Variants in IQCH observed in about 807,000 individuals in gnomAD.
IQCH encodes the protein IQ domain-containing protein H.
IQCH carries 98 observed loss-of-function variants against 117.0 expected under a neutral mutation model. The observed-to-expected ratio is 0.84, with a 90% CI of 0.71 to 0.99. IQCH has a LOEUF of 0.99. Among genes scored for constraint, IQCH ranks in the 50% least tolerant of loss-of-function variants. The probability of loss-of-function intolerance (pLI) is 0.00; values close to 1 mark genes in which losing one functional copy is unlikely to be tolerated. For synonymous variants in IQCH, 412 were observed against 448.2 expected (o/e 0.92, Z 1.02); for missense variants, 1,102 against 1,243.8 (o/e 0.89, Z 1.72).
Position 67,425,349 on chromosome 15 carries a change from C to T in IQCH, c.2505+3772C>T, listed in dbSNP as rs968955333. On this transcript the variant is annotated intron_variant, in intron 16 of 20. Coordinates refer to ENST00000335894, the MANE Select transcript of IQCH (RefSeq NM_001031715.3). The surrounding 1 kb of genome is among the most constrained non-coding windows in gnomAD (Gnocchi z 5.5). ...CTATTTCTGGCCAGGTGCGGTGGCT[C>T]ACGCCTGTAATCCCAGCACTTTGGG... 3.3e-5 allele frequency among the ~76,000 whole-genome samples: 5 copies of T among 152,156 alleles called. No homozygotes were observed. Among genetic ancestry groups the T allele is most frequent in the South Asian group, 2.1e-4 (1 of 4,834 alleles).
chr15:67,282,649 T>C (rs1966408760), intron 4 of IQCH, among the ~76,000 whole-genome samples: 1 of 152,232 alleles, frequency 6.6e-6, no homozygotes, highest in Non-Finnish European at 1.5e-5. Context: ...TCTTACCAGC[T>C]GTTACACATG....
At chr15:67,306,684 A>G in intron 4 of IQCH, 2 of 683,502 alleles carry the variant, frequency 2.9e-6, no homozygotes, top group South Asian at 1.7e-5. Context: ...TTGCAAAACT[A>G]TCTTCAGAAT....
In IQCH at chr15:67,494,217, G is replaced by A; in HGVS notation, c.2862-41G>A. ...GGCGATTGTTTTTAAGCATGTGAAG[G>A]GAATCGTTGGTAAACTCATTTGTTT... On this transcript the variant is annotated intron_variant, in intron 19 of 20. Transcript: ENST00000335894. The surrounding 1 kb of genome is among the most constrained non-coding windows in gnomAD (Gnocchi z 5.5). 7.0e-7 allele frequency: 1 copy of A among 1,428,436 alleles called. No individual in the cohort carries two copies. The highest frequency in any genetic ancestry group is 9.6e-7 in the Non-Finnish European group (1 of 1,038,552). The allele number at this position is 1,428,436 out of a possible 1,614,324, so 88.5% of individuals were successfully genotyped here. A position where few individuals can be genotyped will look rare whatever the true frequency, so the allele number is the denominator to read the frequency against.
In IQCH at chr15:67,416,584, G is replaced by A. The variant is rs1298178240; in HGVS notation, c.2098-347G>A. Among the ~76,000 whole-genome samples, 1 of 151,836 alleles carries A rather than the reference G, an allele frequency of 6.6e-6. No individual in the cohort carries two copies. Among genetic ancestry groups the A allele is most frequent in the East Asian group, 1.9e-4 (1 of 5,190 alleles). ...AGTTAACCCCACATTTTATATAAAGGGAAACTGAGGCCCAGAATGAGAAAA... is the reference window on the plus strand; with the variant it reads ...AGTTAACCCCACATTTTATATAAAGAGAAACTGAGGCCCAGAATGAGAAAA... On this transcript the variant is annotated intron_variant, in intron 14 of 20. Transcript: ENST00000335894. This position sits in a 1 kb window ranked among gnomAD's most constrained non-coding sequence, Gnocchi z 5.1.
At chr15:67,468,492 C>T (rs2082988432) in intron 17 of IQCH, among the ~76,000 whole-genome samples, 1 of 152,220 alleles carries the variant, frequency 6.6e-6, no homozygotes, top group Non-Finnish European at 1.5e-5. Context: ...ACTGCTGCTA[C>T]TGTAATTATG....
chr15:67,325,727 A>G (rs1790650737), intron 4 of IQCH, among the ~76,000 whole-genome samples: 1 of 151,994 alleles, frequency 6.6e-6, no homozygotes, highest in Non-Finnish European at 1.5e-5. Context: ...TACTAATATA[A>G]TCAAATAGCA....
At chr15:67,428,315 C>A (rs755863561) in intron 16 of IQCH, among the ~76,000 whole-genome samples, 6 of 152,002 alleles carry the variant, frequency 3.9e-5, no homozygotes, top group African/African-American at 7.3e-5. Flanking sequence ...TATATAAATG[C>A]AGAGTTAAAA....
chr15:67,293,472 C>T (rs765742731), intron 4 of IQCH, among the ~76,000 whole-genome samples: 9 of 151,982 alleles, frequency 5.9e-5, no homozygotes, highest in African/African-American at 2.2e-4. Flanking sequence ...TTTAAATAAT[C>T]GCTAGATTAT....
rs1971130903 is a variant in IQCH at position 67,387,044 on chromosome 15, T to C, written c.1457-1787T>C. ...GTTTTTCTGCCCTATTCTTTCATACTTAAAAAAAACTCATTAGTTTGATTT... is the reference window on the plus strand; with the variant it reads ...GTTTTTCTGCCCTATTCTTTCATACCTAAAAAAAACTCATTAGTTTGATTT... On this transcript the variant is annotated intron_variant, in intron 11 of 20. Transcript: ENST00000335894. This position sits in a 1 kb window ranked among gnomAD's most constrained non-coding sequence, Gnocchi z 4.8. 6.6e-6 allele frequency among the ~76,000 whole-genome samples: 1 copy of C among 152,066 alleles called. No homozygotes were observed. Among genetic ancestry groups the C allele is most frequent in the African/African-American group, 2.4e-5 (1 of 41,452 alleles).
chr15:67,292,330 C>T (rs573230878), intron 4 of IQCH, among the ~76,000 whole-genome samples: 1 of 152,152 alleles, frequency 6.6e-6, no homozygotes, highest in Non-Finnish European at 1.5e-5. Flanking sequence ...GCTCATCATG[C>T]AGCCGCAATC....
chr15:67,477,227 TTTTAGTA>T (rs766140443), intron 18 of IQCH, among the ~76,000 whole-genome samples: 26 of 152,082 alleles, frequency 1.7e-4, no homozygotes, highest in Non-Finnish European at 2.2e-4. Flanking sequence ...ATTTTTGTAT[TTTTAGTA>T]GAGACAGGGT....
intron 5 of IQCH, among the ~76,000 whole-genome samples, chr15:67,343,671 G>A (rs1261015968): frequency 6.6e-6 from 1 of 152,114 alleles, no homozygotes; most frequent in Non-Finnish European, 1.5e-5. Context: ...CCTTCTTTTG[G>A]AACAAAGGAT....
intron 4 of IQCH, among the ~76,000 whole-genome samples, chr15:67,311,774 G>C (rs909714974): frequency 1.7e-4 from 26 of 152,094 alleles, no homozygotes; most frequent in African/African-American, 5.3e-4. Context: ...TTGTTCTACT[G>C]CTGAAAATAA....
Position 67,454,570 on chromosome 15 carries a change from T to G in IQCH, c.2506-10557T>G, listed in dbSNP as rs967934804. On this transcript the variant is annotated intron_variant, in intron 16 of 20. Transcript: ENST00000335894. The surrounding 1 kb of genome is among the most constrained non-coding windows in gnomAD (Gnocchi z 5.2). ...CACATTAGAAGTCACTCCCCATACC[T>G]CCTTCCTCACAGCCACTGGAAAACA... Among the ~76,000 whole-genome samples, 1 of 152,158 alleles carries G rather than the reference T, an allele frequency of 6.6e-6. No individual in the cohort carries two copies. Among genetic ancestry groups the G allele is most frequent in the African/African-American group, 2.4e-5 (1 of 41,444 alleles).
rs561631369 is a variant in IQCH at position 67,422,411 on chromosome 15, C to G, written c.2505+834C>G. On this transcript the variant is annotated intron_variant, in intron 16 of 20. Coordinates refer to ENST00000335894, the MANE Select transcript of IQCH (RefSeq NM_001031715.3). This position sits in a 1 kb window ranked among gnomAD's most constrained non-coding sequence, Gnocchi z 4.7. ...ATAATAATATAATCAATATCATGTGCCCCTGCCCAGCTTAAGAAACAAAGT... is the reference window on the plus strand; with the variant it reads ...ATAATAATATAATCAATATCATGTGGCCCTGCCCAGCTTAAGAAACAAAGT... 6.6e-6 allele frequency among the ~76,000 whole-genome samples: 1 copy of G among 152,008 alleles called. No individual in the cohort carries two copies. The highest frequency in any genetic ancestry group is 1.9e-4 in the East Asian group (1 of 5,190).
chr15:67,422,891 T>G lies in IQCH; in HGVS notation c.2505+1314T>G, dbSNP rs1052716988. 2.0e-5 allele frequency among the ~76,000 whole-genome samples: 3 copies of G among 152,246 alleles called. No individual in the cohort carries two copies. The highest frequency in any genetic ancestry group is 7.2e-5 in the African/African-American group (3 of 41,474). On this transcript the variant is annotated intron_variant, in intron 16 of 20. Transcript: ENST00000335894. This position sits in a 1 kb window ranked among gnomAD's most constrained non-coding sequence, Gnocchi z 4.7. ...CCTCTGTCTAAAGGGCGAAATGACC[T>G]CCTGGCCTTCCTCTCTCGATATCGC...
At chr15:67,355,589 C>CA (rs768207650) in intron 6 of IQCH, among the ~76,000 whole-genome samples, 1,282 of 123,884 alleles carry the variant, frequency 0.01, 9 homozygotes, top group African/African-American at 0.028. Flanking sequence ...GTCTCCATCT[C>CA]AAAAAAAAAA....
At chr15:67,389,828 G>A (rs1971227191) in intron 12 of IQCH, among the ~76,000 whole-genome samples, 1 of 141,284 alleles carries the variant, frequency 7.1e-6, no homozygotes, top group African/African-American at 2.6e-5. Context: ...ACATCTATGT[G>A]TTGGGTGACT....
chr15:67,389,873 CAA>C (rs578055176), intron 12 of IQCH, among the ~76,000 whole-genome samples: 7 of 44,328 alleles, frequency 1.6e-4, no homozygotes, highest in African/African-American at 4.3e-4. Context: ...ATGATTTGAC[CAA>C]AAAAAAAAAA....
Sources: gnomAD v4.1 joint callset for allele counts (sites outside exome capture counted in the v4.1 genomes callset) on GRCh38, gnomAD v4.1.1 for gene constraint, Gnocchi (gnomAD v3.1) non-coding constraint, MANE v1.5 for transcripts, NCBI Gene and HGNC (gene_info 2026-07-23, HGNC 2026-07-21) for gene names.